CFAP54: variants seen among roughly 807,000 people sequenced by gnomAD.
CFAP54 encodes the protein cilia and flagella associated protein 54.
CFAP54 carries 290 observed loss-of-function variants against 370.4 expected under a neutral mutation model. The observed-to-expected ratio is 0.78, with a 90% CI of 0.71 to 0.86. CFAP54 has a LOEUF of 0.86. CFAP54 is among the 40% of genes least tolerant of loss of function. The pLI, the probability that CFAP54 is intolerant of heterozygous loss-of-function variation, is 0.00. For missense variants in CFAP54, 3,399 were observed against 3,528.7 expected (o/e 0.96, Z 0.93); for synonymous variants, 1,206 against 1,236.5 (o/e 0.98, Z 0.52).
At chr12:96,520,151 A>T (rs575177035) in intron 6 of CFAP54, among the ~76,000 whole-genome samples, 1 of 152,286 alleles carries the variant, frequency 6.6e-6, no homozygotes, top group South Asian at 2.1e-4. Flanking sequence ...ACACACCACT[A>T]TGCCAAGCTA....
chr12:96,810,436 G>A (rs111783731), intron 63 of CFAP54, among the ~76,000 whole-genome samples: 5,511 of 152,050 alleles, frequency 0.036, 155 homozygotes, highest in Non-Finnish European at 0.056. Flanking sequence ...TGCTTTTAGG[G>A]GTGAAGAGAG....
intron 50 of CFAP54, among the ~76,000 whole-genome samples, chr12:96,728,139 C>A (rs1957866327): frequency 6.6e-6 from 1 of 152,168 alleles, no homozygotes; most frequent in Non-Finnish European, 1.5e-5. Flanking sequence ...TTTGGTGAAT[C>A]TGACAATTAT....
chr12:96,678,240 A>T (rs1385628407), intron 39 of CFAP54, among the ~76,000 whole-genome samples: 1 of 152,112 alleles, frequency 6.6e-6, no homozygotes, highest in Non-Finnish European at 1.5e-5. Flanking sequence ...GTTAACTTCT[A>T]TACCCCTTCG....
At chr12:96,525,910 C>T (rs146220468) in intron 8 of CFAP54, among the ~76,000 whole-genome samples, 3,922 of 152,240 alleles carry the variant, frequency 0.026, 114 homozygotes, top group African/African-American at 0.07. Flanking sequence ...AGGCTGGTCT[C>T]GAACTCCTGA....
chr12:96,763,372 T>C (rs916647258), intron 58 of CFAP54, among the ~76,000 whole-genome samples: 1 of 152,170 alleles, frequency 6.6e-6, no homozygotes, highest in African/African-American at 2.4e-5. Context: ...TAGCAGGAAA[T>C]ATGATAGCAA....
chr12:96,657,747 C>T (rs1283004939), intron 36 of CFAP54, 135 bp from the exon 37 acceptor site: 21 of 679,904 alleles, frequency 3.1e-5, no homozygotes, highest in Non-Finnish European at 3.7e-5. Context: ...CAAGCTTTGA[C>T]TTGCATAAGA....
At chr12:96,768,677 A>C (rs2136675788) in intron 60 of CFAP54, among the ~76,000 whole-genome samples, 1 of 152,150 alleles carries the variant, frequency 6.6e-6, no homozygotes, top group East Asian at 1.9e-4. Context: ...AACAAAGCAA[A>C]ATAAAACAAA....
intron 61 of CFAP54, among the ~76,000 whole-genome samples, chr12:96,785,892 G>A (rs1217395696): frequency 6.6e-6 from 1 of 152,098 alleles, no homozygotes; most frequent in Non-Finnish European, 1.5e-5. Flanking sequence ...TCAGTCTCTC[G>A]ACGGGACAGT....
intron 2 of CFAP54, 55 bp downstream of exon 2, chr12:96,500,994 TA>T: frequency 9.2e-7 from 1 of 1,090,006 alleles, no homozygotes; most frequent in Non-Finnish European, 1.3e-6. Flanking sequence ...TAATTATTAT[TA>T]CAGTATTTAG....
At chr12:96,770,105 G>T (rs892512472) in intron 60 of CFAP54, among the ~76,000 whole-genome samples, 11 of 151,986 alleles carry the variant, frequency 7.2e-5, no homozygotes, top group African/African-American at 2.7e-4. Flanking sequence ...GAACTGGATT[G>T]GTATATTACT....
chr12:96,526,313 C>T (rs1188009302), intron 8 of CFAP54, among the ~76,000 whole-genome samples: 1 of 152,098 alleles, frequency 6.6e-6, no homozygotes, highest in Non-Finnish European at 1.5e-5. Flanking sequence ...CATTTTGGGC[C>T]AGTACAAAGC....
intron 50 of CFAP54, among the ~76,000 whole-genome samples, chr12:96,728,599 C>A (rs1219230172): frequency 2.0e-5 from 3 of 152,124 alleles, no homozygotes; most frequent in African/African-American, 7.2e-5. Context: ...TCAAAGTTTT[C>A]AACTTCTTTG....
At chr12:96,773,644 T>A (rs1781516579) in intron 60 of CFAP54, among the ~76,000 whole-genome samples, 1 of 152,222 alleles carries the variant, frequency 6.6e-6, no homozygotes, top group Non-Finnish European at 1.5e-5. Context: ...CTCTTTTTTC[T>A]TTAAATTAAT....
At chr12:96,611,872 C>T (rs1056551168) in intron 26 of CFAP54, among the ~76,000 whole-genome samples, 12 of 152,180 alleles carry the variant, frequency 7.9e-5, no homozygotes, top group African/African-American at 2.9e-4. Flanking sequence ...TGAACAAAGC[C>T]TCCAAGAAAT....
intron 60 of CFAP54, among the ~76,000 whole-genome samples, chr12:96,768,302 C>T (rs900379444): frequency 1.3e-5 from 2 of 151,770 alleles, no homozygotes; most frequent in Admixed American, 6.6e-5. Context: ...GCCTCAGTGA[C>T]AAAGTGAGAC....
intron 32 of CFAP54, among the ~76,000 whole-genome samples, chr12:96,642,143 T>C (rs1190761450): frequency 6.6e-6 from 1 of 152,156 alleles, no homozygotes; most frequent in East Asian, 1.9e-4. Context: ...AAATTAACAT[T>C]ATTGTTTATT....
At chr12:96,599,255 G>A (rs1381971078) in intron 26 of CFAP54, among the ~76,000 whole-genome samples, 1 of 147,732 alleles carries the variant, frequency 6.8e-6, no homozygotes, top group African/African-American at 2.5e-5. Context: ...GAGACCATAT[G>A]GTGTTTGGTT....
chr12:96,498,130 C>G (rs1757137295), intron 1 of CFAP54, among the ~76,000 whole-genome samples: 1 of 151,934 alleles, frequency 6.6e-6, no homozygotes, highest in Admixed American at 6.6e-5. Context: ...AACTGGATAT[C>G]CACATGCCAA....
chr12:96,637,405 C>T (rs1216099646), intron 32 of CFAP54, among the ~76,000 whole-genome samples: 1 of 152,042 alleles, frequency 6.6e-6, no homozygotes, highest in Non-Finnish European at 1.5e-5. Flanking sequence ...CTCTTGGGTA[C>T]CTACCTTCTT....
Sources: gnomAD v4.1 joint callset for allele counts (sites outside exome capture counted in the v4.1 genomes callset) on GRCh38, gnomAD v4.1.1 for gene constraint, MANE v1.5 for transcripts, NCBI Gene and HGNC (gene_info 2026-07-23, HGNC 2026-07-21) for gene names.